The following SYNPR variants were observed in gnomAD, a reference collection of about 807,000 sequenced individuals.
The protein encoded by SYNPR is synaptoporin.
A neutral mutation model predicts 32.9 loss-of-function variants in SYNPR; 23 were observed. That is an observed-to-expected ratio of 0.70 (90% confidence interval 0.50 to 0.99). The LOEUF is 0.99. Among genes scored for constraint, SYNPR ranks in the 50% least tolerant of loss-of-function variants. The pLI is 0.00. For missense variants in SYNPR, 318 were observed against 349.3 expected (o/e 0.91, Z 0.71); for synonymous variants, 146 against 135.9 (o/e 1.07, Z -0.52).
chr3:63,430,420 T>TG, intron 2 of SYNPR, among the ~76,000 whole-genome samples: 1 of 151,982 alleles, frequency 6.6e-6, no homozygotes, highest in Non-Finnish European at 1.5e-5. Flanking sequence ...GGAAATTGTG[T>TG]TCTTGTTTGG....
intron 2 of SYNPR, among the ~76,000 whole-genome samples, chr3:63,374,351 C>T (rs1344437517): frequency 6.6e-6 from 1 of 152,070 alleles, no homozygotes; most frequent in Non-Finnish European, 1.5e-5. Context: ...TTTATTCTCA[C>T]TGCATATTCT....
chr3:63,246,681 G>A (rs1421117088), intron 1 of SYNPR, among the ~76,000 whole-genome samples: 1 of 151,992 alleles, frequency 6.6e-6, no homozygotes, highest in Non-Finnish European at 1.5e-5. Flanking sequence ...CATTCCAGGT[G>A]GAAGGAATAG....
At chr3:63,298,382 C>G (rs904772598) in intron 2 of SYNPR, among the ~76,000 whole-genome samples, 13 of 152,048 alleles carry the variant, frequency 8.5e-5, no homozygotes, top group Non-Finnish European at 1.5e-4. Flanking sequence ...TCCCTGAGAG[C>G]AAAACCTAAG....
chr3:63,514,264 G>A (rs1017424003), intron 3 of SYNPR, among the ~76,000 whole-genome samples: 4 of 152,190 alleles, frequency 2.6e-5, no homozygotes, highest in Non-Finnish European at 5.9e-5. Flanking sequence ...TATTTACATT[G>A]TAGGCTTGAA....
chr3:63,390,248 C>A (rs2088113957), intron 2 of SYNPR, among the ~76,000 whole-genome samples: 1 of 152,108 alleles, frequency 6.6e-6, no homozygotes, highest in Admixed American at 6.6e-5. Flanking sequence ...AAATAGAATT[C>A]TTCAGGGTAC....
intron 3 of SYNPR, among the ~76,000 whole-genome samples, chr3:63,517,004 T>G (rs889413151): frequency 2.6e-5 from 4 of 152,284 alleles, no homozygotes; most frequent in Admixed American, 2.0e-4. Context: ...CGATACCTAC[T>G]TTTGCAGGAA....
intron 2 of SYNPR, among the ~76,000 whole-genome samples, chr3:63,463,677 A>AAAT (rs2106660274): frequency 6.6e-6 from 1 of 152,226 alleles, no homozygotes; most frequent in African/African-American, 2.4e-5. Flanking sequence ...CACACATGAA[A>AAAT]AATTTTCTAT....
intron 4 of SYNPR, among the ~76,000 whole-genome samples, chr3:63,601,474 T>C (rs1700041128): frequency 6.6e-6 from 1 of 152,042 alleles, no homozygotes; most frequent in South Asian, 2.1e-4. Context: ...CAAAAGGTAG[T>C]TTTTTGATCC....
At chr3:63,609,459 C>T in intron 5 of SYNPR, 143 bp downstream of exon 5, 1 of 629,122 alleles carries the variant, frequency 1.6e-6, no homozygotes, top group Non-Finnish European at 2.5e-6. Flanking sequence ...ACCTCAGGTA[C>T]AGGATGATCA....
At chr3:63,265,914 A>G (rs1560173160) in intron 2 of SYNPR, among the ~76,000 whole-genome samples, 1 of 152,230 alleles carries the variant, frequency 6.6e-6, no homozygotes, top group African/African-American at 2.4e-5. Context: ...CACTTAATGG[A>G]TTTAAAGTGG....
chr3:63,397,274 C>G (rs539027579), intron 2 of SYNPR, among the ~76,000 whole-genome samples: 4 of 152,212 alleles, frequency 2.6e-5, no homozygotes, highest in African/African-American at 7.2e-5. Flanking sequence ...AACTTGTCTT[C>G]AGAATCATAG....
chr3:63,423,056 A>G (rs1699827713), intron 2 of SYNPR, among the ~76,000 whole-genome samples: 1 of 152,230 alleles, frequency 6.6e-6, no homozygotes, highest in African/African-American at 2.4e-5. Flanking sequence ...TTATGATAAC[A>G]TCTATGGAAT....
chr3:63,414,301 T>C (rs1451315984), intron 2 of SYNPR, among the ~76,000 whole-genome samples: 1 of 152,160 alleles, frequency 6.6e-6, no homozygotes, highest in Non-Finnish European at 1.5e-5. Context: ...TAAATATCTT[T>C]TGAAAAAACC....
intron 3 of SYNPR, among the ~76,000 whole-genome samples, chr3:63,518,945 A>C (rs746256538): frequency 1.3e-5 from 2 of 152,170 alleles, no homozygotes; most frequent in Non-Finnish European, 2.9e-5. Flanking sequence ...TTCAATACCT[A>C]GTTTGTTGAG....
intron 2 of SYNPR, among the ~76,000 whole-genome samples, chr3:63,348,008 C>T (rs986605163): frequency 6.6e-6 from 1 of 151,748 alleles, no homozygotes; most frequent in Non-Finnish European, 1.5e-5. Flanking sequence ...AGTGCTGGTA[C>T]ATGATACAGG....
rs561209587 is a variant in SYNPR at position 63,569,405 on chromosome 3, C to A, written c.408+12664C>A. ...TTGAATTCCAACTTTTGACTACACC[C>A]CAGGCCCTGAAATCTTATGCTGTTG... On this transcript the variant is annotated intron_variant, in intron 4 of 5. Coordinates refer to ENST00000478300, the MANE Select transcript of SYNPR (RefSeq NM_001130003.2). 2.0e-5 allele frequency among the ~76,000 whole-genome samples: 3 copies of A among 152,228 alleles called. No individual in the cohort carries two copies. The South Asian group carries it at 6.2e-4, about 32-fold the overall frequency.
At chr3:63,271,962 G>A (rs1025604207) in intron 3 of SYNPR, among the ~76,000 whole-genome samples, 2 of 152,092 alleles carry the variant, frequency 1.3e-5, no homozygotes, top group Admixed American at 1.3e-4. Context: ...GGTTCAAAGA[G>A]AAAGGAAGAA....
At position 63,342,052 on chromosome 3, in the gene SYNPR, T is replaced by C. The variant is rs910575111; in HGVS notation, c.84+63310T>C. Among the ~76,000 whole-genome samples, 9 of 152,222 alleles carry C rather than the reference T, an allele frequency of 5.9e-5. 1 individual carries two copies. The highest frequency in any genetic ancestry group is 1.3e-4 in the Non-Finnish European group (9 of 68,024). The stretch of plus-strand genomic sequence containing the variant: ...TTGTGGAAGTTAGGAAGTTTGTGTC[T>C]AGATTCATTTTTTAAAATATTGCAT... On this transcript the variant is annotated intron_variant, in intron 2 of 5. Transcript: ENST00000478300.
intron 2 of SYNPR, among the ~76,000 whole-genome samples, chr3:63,288,705 C>T (rs1287998986): frequency 1.3e-5 from 2 of 152,204 alleles, no homozygotes; most frequent in Non-Finnish European, 2.9e-5. Context: ...AAATTCAGCT[C>T]TGGCCCTTTA....
Sources: gnomAD v4.1 joint callset for allele counts (sites outside exome capture counted in the v4.1 genomes callset) on GRCh38, gnomAD v4.1.1 for gene constraint, MANE v1.5 for transcripts, NCBI Gene and HGNC (gene_info 2026-07-23, HGNC 2026-07-21) for gene names.